Variants in NAALADL2 observed in about 807,000 individuals in gnomAD.
NAALADL2 encodes N-acetylated alpha-linked acidic dipeptidase like 2.
Under a neutral mutation model 87.2 loss-of-function variants are expected in NAALADL2, and 76 were observed. The ratio of observed to expected loss-of-function variants is 0.87; its 90% CI spans 0.72 to 1.05. NAALADL2 has a LOEUF of 1.05. Ranked by LOEUF, NAALADL2 falls within the 50% of genes least tolerant of loss-of-function variation. The probability of loss-of-function intolerance (pLI) is 0.00; values close to 1 mark genes in which losing one functional copy is unlikely to be tolerated. For synonymous variants in NAALADL2, 354 were observed against 331.0 expected (o/e 1.07, Z -0.75); for missense variants, 1,089 against 945.8 (o/e 1.15, Z -1.99).
At chr3:174,729,285 A>G (rs1732481915) in intron 2 of NAALADL2, among the ~76,000 whole-genome samples, 1 of 152,028 alleles carries the variant, frequency 6.6e-6, no homozygotes, top group African/African-American at 2.4e-5. Context: ...GTGCTTTACT[A>G]GTATTAACTC....
intron 11 of NAALADL2, among the ~76,000 whole-genome samples, chr3:175,684,802 C>A (rs1736046956): frequency 6.6e-6 from 1 of 150,458 alleles, no homozygotes; most frequent in Non-Finnish European, 1.5e-5. Context: ...GGAATTGTCT[C>A]AAAAAAAAAT....
chr3:174,469,439 T>A (rs1406343847), intron 1 of NAALADL2, among the ~76,000 whole-genome samples: 1 of 149,868 alleles, frequency 6.7e-6, no homozygotes, highest in Non-Finnish European at 1.5e-5. Flanking sequence ...TTTTTTTTTC[T>A]TTTTTTTGAG....
intron 5 of NAALADL2, among the ~76,000 whole-genome samples, chr3:175,403,204 T>C (rs953964415): frequency 1.3e-5 from 2 of 152,098 alleles, no homozygotes; most frequent in Non-Finnish European, 2.9e-5. Flanking sequence ...GTTTTCACTC[T>C]TATTTTTGTG....
chr3:174,505,285 G>GA (rs1325494700), intron 1 of NAALADL2, among the ~76,000 whole-genome samples: 1 of 152,060 alleles, frequency 6.6e-6, no homozygotes, highest in African/African-American at 2.4e-5. Flanking sequence ...AGAGTGAAAT[G>GA]AAAAAATTGT....
chr3:174,682,444 T>C (rs1727634968), intron 2 of NAALADL2, among the ~76,000 whole-genome samples: 1 of 152,174 alleles, frequency 6.6e-6, no homozygotes, highest in African/African-American at 2.4e-5. Context: ...CCACAGGCCT[T>C]GGTGAAACCC....
intron 11 of NAALADL2, 145 bp downstream of exon 11, chr3:175,627,531 T>C (rs1727157584): frequency 3.5e-6 from 2 of 571,032 alleles, no homozygotes; most frequent in Non-Finnish European, 3.1e-6. Flanking sequence ...TATATCCTAT[T>C]ATTTTACTAA....
intron 11 of NAALADL2, among the ~76,000 whole-genome samples, chr3:175,700,410 A>T (rs2149963519): frequency 6.6e-6 from 1 of 152,266 alleles, no homozygotes; most frequent in Middle Eastern, 3.4e-3. Context: ...TACTGCAGCA[A>T]ATTTAATTAA....
intron 1 of NAALADL2, among the ~76,000 whole-genome samples, chr3:175,042,918 A>T (rs9816158): frequency 0.25 from 38,049 of 151,588 alleles, 4,936 homozygotes; most frequent in East Asian, 0.37. Context: ...CTATTAGTTC[A>T]GACCCATGAG....
chr3:174,513,224 T>C (rs1719723175), intron 1 of NAALADL2, among the ~76,000 whole-genome samples: 1 of 152,130 alleles, frequency 6.6e-6, no homozygotes, highest in Admixed American at 6.5e-5. Flanking sequence ...CCTCCTGAAG[T>C]GCTGGGATTA....
At position 175,076,462 on chromosome 3, in the gene NAALADL2, G is replaced by T. The variant is rs187264570; in HGVS notation, c.44-20328G>T. 1.7e-3 allele frequency among the ~76,000 whole-genome samples: 256 copies of T among 151,634 alleles called. 1 individual carries two copies. Among genetic ancestry groups the T allele is most frequent in the African/African-American group, 5.9e-3 (244 of 41,346 alleles). ...CAGTGTGTAATATAGACTATTTCTC[G>T]CTGGACACAACATTAAGAAGTAAGA... On this transcript the variant is annotated intron_variant, in intron 1 of 13. Transcript: ENST00000454872.
At chr3:174,980,230 G>A (rs918100424) in intron 1 of NAALADL2, among the ~76,000 whole-genome samples, 8 of 152,136 alleles carry the variant, frequency 5.3e-5, no homozygotes, top group Non-Finnish European at 1.0e-4. Flanking sequence ...AATTTTTGAA[G>A]GCAGAGACTA....
intron 11 of NAALADL2, among the ~76,000 whole-genome samples, chr3:175,689,255 A>G (rs1736720921): frequency 6.6e-6 from 1 of 152,202 alleles, no homozygotes; most frequent in South Asian, 2.1e-4. Context: ...TCCCCAAGAT[A>G]GAAAATATCT....
chr3:175,602,494 A>C (rs1297603678), intron 10 of NAALADL2, among the ~76,000 whole-genome samples: 1 of 151,608 alleles, frequency 6.6e-6, no homozygotes, highest in African/African-American at 2.4e-5. Context: ...AGCTAAATAT[A>C]ATGTGTGTGT....
At chr3:174,658,156 G>T (rs537652006) in intron 2 of NAALADL2, among the ~76,000 whole-genome samples, 1 of 152,240 alleles carries the variant, frequency 6.6e-6, no homozygotes, top group East Asian at 1.9e-4. Flanking sequence ...TTGTTGGATT[G>T]TACGGTAAGA....
intron 2 of NAALADL2, among the ~76,000 whole-genome samples, chr3:174,651,186 T>C (rs1330190814): frequency 2.6e-5 from 4 of 152,220 alleles, no homozygotes; most frequent in East Asian, 1.9e-4. Flanking sequence ...CATGTAATCA[T>C]TGACCTCAAA....
intron 4 of NAALADL2, among the ~76,000 whole-genome samples, chr3:175,305,687 TAA>T (rs1193400670): frequency 6.6e-6 from 1 of 152,044 alleles, no homozygotes; most frequent in Non-Finnish European, 1.5e-5. Flanking sequence ...CACGCCCGGC[TAA>T]TTTTGTATTT....
intron 10 of NAALADL2, among the ~76,000 whole-genome samples, chr3:175,604,138 C>T (rs1231147520): frequency 6.6e-6 from 1 of 152,080 alleles, no homozygotes; most frequent in Non-Finnish European, 1.5e-5. Flanking sequence ...TTAATAACAG[C>T]TGTCCCATTT....
intron 9 of NAALADL2, among the ~76,000 whole-genome samples, chr3:175,560,582 T>C (rs1335455407): frequency 6.6e-6 from 1 of 152,232 alleles, no homozygotes; most frequent in Non-Finnish European, 1.5e-5. Context: ...ATTTGTTTTT[T>C]TCTTCTTTTT....
At chr3:175,782,763 G>C (rs1751333131) in intron 13 of NAALADL2, among the ~76,000 whole-genome samples, 1 of 144,260 alleles carries the variant, frequency 6.9e-6, no homozygotes, top group Admixed American at 6.8e-5. Context: ...TGGTGTTTTG[G>C]ACATGAAGTC....
Sources: gnomAD v4.1 joint callset for allele counts (sites outside exome capture counted in the v4.1 genomes callset) on GRCh38, gnomAD v4.1.1 for gene constraint, MANE v1.5 for transcripts, NCBI Gene and HGNC (gene_info 2026-07-23, HGNC 2026-07-21) for gene names.